CEP128: variants seen among roughly 807,000 people sequenced by gnomAD.
CEP128 encodes centrosomal protein 128.
Under a neutral mutation model 156.7 loss-of-function variants are expected in CEP128, and 132 were observed. That is an observed-to-expected ratio of 0.84 (90% CI 0.73 to 0.97). CEP128 has a LOEUF of 0.97. Among genes scored for constraint, CEP128 ranks in the 50% least tolerant of loss-of-function variants. The pLI is 0.00. For synonymous variants in CEP128, 469 were observed against 448.9 expected, an observed-to-expected ratio of 1.04 and a Z score of -0.57; for missense variants, 1,252 against 1,281.9, an observed-to-expected ratio of 0.98 and a Z score of 0.36.
chr14:80,728,067 C>A (rs765960365), intron 19 of CEP128, among the ~76,000 whole-genome samples: 2 of 152,118 alleles, frequency 1.3e-5, no homozygotes, highest in Non-Finnish European at 2.9e-5. Flanking sequence ...TTCACTGCAG[C>A]ACTATTTACA....
chr14:80,825,827 G>A (rs746402816), intron 13 of CEP128, among the ~76,000 whole-genome samples: 1 of 152,160 alleles, frequency 6.6e-6, no homozygotes, highest in Non-Finnish European at 1.5e-5. Context: ...GAACATCTCA[G>A]CCAGGCATGG....
rs747797273 is a variant in CEP128, at chr14:80,743,184, T to G, written c.2697A>C (p.Arg899Ser). ...TTTCAGTCAAATTCCTGAGTTGTTG[T>G]CTGCAGAGCATCAGCTGGTGTCGCA... ...KNLRHQLMLC[R>S]QQLRNLTENK... The change falls in exon 19 of 25, where the codon AGA becomes AGC. Residue 899 changes from arginine to serine, a missense_variant. Transcript: ENST00000555265. The G allele has an allele frequency of 3.7e-6, 6 of 1,613,824 alleles. No homozygotes were observed. The East Asian group carries it at 1.3e-4, about 36-fold the overall frequency.
At chr14:80,609,007 G>C (rs1289159739) in intron 19 of CEP128, among the ~76,000 whole-genome samples, 1 of 152,140 alleles carries the variant, frequency 6.6e-6, no homozygotes, top group African/African-American at 2.4e-5. Flanking sequence ...TATTAAAAAT[G>C]TATATTGAAG....
At chr14:80,745,967 C>A (rs978462836) in intron 18 of CEP128, among the ~76,000 whole-genome samples, 1 of 151,688 alleles carries the variant, frequency 6.6e-6, no homozygotes. Flanking sequence ...TTGCAATGAG[C>A]AATCCAAAAA....
chr14:80,790,776 C>G (rs1388709878), intron 14 of CEP128, among the ~76,000 whole-genome samples: 1 of 151,286 alleles, frequency 6.6e-6, no homozygotes, highest in South Asian at 2.1e-4. Flanking sequence ...AGTAACAAAT[C>G]TTAAAGCAGA....
chr14:80,825,280 G>A (rs969090871), intron 13 of CEP128, among the ~76,000 whole-genome samples: 1 of 152,126 alleles, frequency 6.6e-6, no homozygotes, highest in Non-Finnish European at 1.5e-5. Flanking sequence ...GCTATTTTTT[G>A]TACTTTTTTG....
intron 19 of CEP128, among the ~76,000 whole-genome samples, chr14:80,721,498 A>G (rs560409770): frequency 1.7e-4 from 26 of 152,334 alleles, no homozygotes; most frequent in Middle Eastern, 3.4e-3. Flanking sequence ...AAATATGTCA[A>G]TAATTTTTCT....
chr14:80,723,392 T>A (rs551993541), intron 19 of CEP128, among the ~76,000 whole-genome samples: 1 of 152,358 alleles, frequency 6.6e-6, no homozygotes, highest in East Asian at 1.9e-4. Flanking sequence ...ACTCACATTC[T>A]AGAATCGTAT....
rs758957939 is a variant in CEP128 at position 80,862,797 on chromosome 14, C to G, written c.722G>C (p.Arg241Pro). The G allele has an allele frequency of 1.9e-6, 3 of 1,613,734 alleles. No homozygotes were observed. The highest frequency in any genetic ancestry group is 1.6e-4 in the Middle Eastern group (1 of 6,084). Reference sequence around the variant, plus strand: ...GGACATGAGTCCCAGTTGATCCTGGCGTCTTTCCACCAGCTCCCTTTCTGT... The same window carrying G: ...GGACATGAGTCCCAGTTGATCCTGGGGTCTTTCCACCAGCTCCCTTTCTGT... ...MRTERELVER[R>P]QDQLGLMSLQ... The change falls in exon 9 of 25, where the codon CGC becomes CCC. Residue 241 changes from arginine (R) to proline (P), a missense_variant. Arg to Pro is a moderately radical substitution (Grantham distance 103). Coordinates refer to ENST00000555265, the MANE Select transcript of CEP128 (RefSeq NM_152446.5).
At chr14:80,488,709 A>G (rs113166983), downstream of CEP128, among the ~76,000 whole-genome samples, 6 of 152,276 alleles carry the variant, frequency 3.9e-5, no homozygotes, top group African/African-American at 1.4e-4. Context: ...GCACTATTCA[A>G]AATAGCAAAG....
At chr14:80,947,493 C>T (rs527455872) in intron 2 of CEP128, among the ~76,000 whole-genome samples, 1 of 152,020 alleles carries the variant, frequency 6.6e-6, no homozygotes, top group South Asian at 2.1e-4. Context: ...TATGCTAAGC[C>T]CTTTTGCAAA....
At chr14:80,499,907 A>G (rs924531515) in intron 24 of CEP128, among the ~76,000 whole-genome samples, 1 of 152,224 alleles carries the variant, frequency 6.6e-6, no homozygotes, top group South Asian at 2.1e-4. Flanking sequence ...GCTGAAGGTA[A>G]TGGAATCCAA....
intron 19 of CEP128, among the ~76,000 whole-genome samples, chr14:80,713,311 A>C (rs1302244027): frequency 6.6e-6 from 1 of 152,104 alleles, no homozygotes; most frequent in Non-Finnish European, 1.5e-5. Flanking sequence ...TAATTTGTTG[A>C]AATATACTAC....
chr14:80,556,055 T>A (rs1419660782), intron 21 of CEP128, among the ~76,000 whole-genome samples: 1 of 151,588 alleles, frequency 6.6e-6, no homozygotes, highest in East Asian at 1.9e-4. Context: ...CCCAATAAAT[T>A]TCCACTGCTG....
intron 16 of CEP128, among the ~76,000 whole-genome samples, chr14:80,764,392 G>A (rs952144269): frequency 3.9e-5 from 6 of 151,912 alleles, no homozygotes; most frequent in Admixed American, 6.6e-5. Context: ...CCAGCTACTC[G>A]GGAGGCTGAG....
chr14:80,682,951 C>A (rs11848667), intron 19 of CEP128, among the ~76,000 whole-genome samples: 10,509 of 152,074 alleles, frequency 0.069, 1,183 homozygotes, highest in African/African-American at 0.24. Context: ...GAGTTCTAAA[C>A]ATGGAAACAA....
At chr14:80,811,264 T>C (rs1413740213) in intron 13 of CEP128, among the ~76,000 whole-genome samples, 1 of 152,220 alleles carries the variant, frequency 6.6e-6, no homozygotes, top group African/African-American at 2.4e-5. Flanking sequence ...ATCTTTATAA[T>C]AGAATGATTT....
At chr14:80,548,214 T>C (rs929896837) in intron 21 of CEP128, among the ~76,000 whole-genome samples, 1 of 152,150 alleles carries the variant, frequency 6.6e-6, no homozygotes, top group African/African-American at 2.4e-5. Flanking sequence ...CTGGCTATGG[T>C]GGAGACATGA....
At chr14:80,937,592 G>A (rs905413080) in intron 2 of CEP128, among the ~76,000 whole-genome samples, 108 of 152,066 alleles carry the variant, frequency 7.1e-4, no homozygotes, top group African/African-American at 2.6e-3. Flanking sequence ...TACAATAAAT[G>A]TATCTAATCA....
Sources: gnomAD v4.1 joint callset for allele counts (sites outside exome capture counted in the v4.1 genomes callset) on GRCh38, gnomAD v4.1.1 for gene constraint, MANE v1.5 for transcripts, NCBI Gene and HGNC (gene_info 2026-07-23, HGNC 2026-07-21) for gene names.